PPP2R2B: variants seen among roughly 807,000 people sequenced by gnomAD.
The protein encoded by PPP2R2B is serine/threonine-protein phosphatase 2A 55 kDa regulatory subunit B beta isoform.
PPP2R2B carries 5 observed loss-of-function variants against 46.0 expected under a neutral mutation model. The ratio of observed to expected loss-of-function variants is 0.11; its 90% CI spans 0.06 to 0.23. The LOEUF (loss-of-function observed/expected upper bound fraction) is 0.23. PPP2R2B is among the 10% of genes least tolerant of loss of function. The pLI is 1.00. For synonymous variants in PPP2R2B, 215 were observed against 206.7 expected (o/e 1.04, Z -0.34); for missense variants, 367 against 575.0 (o/e 0.64, Z 3.70).
In PPP2R2B at chr5:146,924,508, A is replaced by AG. The variant is rs139790033; in HGVS notation, c.79+131156dup. 5.6e-3 allele frequency among the ~76,000 whole-genome samples: 848 copies of AG among 152,256 alleles called. 28 individuals are homozygous for AG. The East Asian group carries it at 0.066, about 12-fold the overall frequency. Reference sequence around the variant, plus strand: ...CAAGGATAAGAAAGGACAGGACAACAGGAGTCACCAAAGGGGGTTATCCAG... The same window carrying AG: ...CAAGGATAAGAAAGGACAGGACAACAGGGAGTCACCAAAGGGGGTTATCCAG... On this transcript the variant is annotated intron_variant, in intron 1 of 8. Coordinates refer to the PPP2R2B transcript ENST00000336640.
chr5:146,869,481 T>C (rs1761490751), intron 2 of PPP2R2B, among the ~76,000 whole-genome samples: 1 of 152,228 alleles, frequency 6.6e-6, no homozygotes, highest in Non-Finnish European at 1.5e-5. Flanking sequence ...GTAGGTGTTC[T>C]GATATGGAAA....
Position 146,650,707 on chromosome 5 carries a change from G to T in PPP2R2B, c.465C>A (p.Pro155=), listed in dbSNP as rs1174472483. The T allele has an allele frequency of 6.2e-7, 1 of 1,613,732 alleles. No individual in the cohort carries two copies. The highest frequency in any genetic ancestry group is 1.1e-5 in the South Asian group (1 of 91,030). ...GGGTGGCCTCCACCATCAGGTCCAT[G>T]GGTCTCAGGACAGGCACCTGGGATG... ...ITTLRVPVLR[P]MDLMVEATPR... is the part of the protein sequence containing the mutation. The change falls in exon 6 of 10, where the codon CCC becomes CCA. Residue 155 remains proline (P), a synonymous_variant. Transcript: ENST00000394411.
At chr5:146,602,877 G>A (rs1474712494) in intron 7 of PPP2R2B, among the ~76,000 whole-genome samples, 2 of 152,132 alleles carry the variant, frequency 1.3e-5, no homozygotes, top group Non-Finnish European at 2.9e-5. Context: ...ATTCTGATTG[G>A]TATCTTCATA....
chr5:147,059,911 AC>A (rs1464810847), upstream of PPP2R2B, among the ~76,000 whole-genome samples: 2 of 152,028 alleles, frequency 1.3e-5, no homozygotes, highest in Non-Finnish European at 2.9e-5. Flanking sequence ...TGCCTACCTC[AC>A]TGAAGCCCAC....
At chr5:146,903,111 A>C (rs1019193191) in intron 1 of PPP2R2B, among the ~76,000 whole-genome samples, 2 of 152,236 alleles carry the variant, frequency 1.3e-5, no homozygotes, top group African/African-American at 4.8e-5. Context: ...TATAAAAAAC[A>C]TAATGTAATG....
At chr5:146,659,397 G>T (rs971307006) in intron 5 of PPP2R2B, among the ~76,000 whole-genome samples, 1 of 152,114 alleles carries the variant, frequency 6.6e-6, no homozygotes, top group South Asian at 2.1e-4. Context: ...GGTATAAGAG[G>T]GTTTTTAGAG....
At chr5:146,803,278 G>A (rs1339530989) in intron 2 of PPP2R2B, among the ~76,000 whole-genome samples, 2 of 152,074 alleles carry the variant, frequency 1.3e-5, no homozygotes, top group African/African-American at 4.8e-5. Context: ...CCTGAAACCC[G>A]ACATTAGAAC....
intron 2 of PPP2R2B, among the ~76,000 whole-genome samples, chr5:146,812,806 TATATATATATATATATATATATAC>T (rs1313417921): frequency 3.4e-5 from 2 of 58,108 alleles, no homozygotes; most frequent in African/African-American, 1.4e-4. Flanking sequence ...TATATATATA[TATATATATATATATATATATATAC>T]ACACACATTT....
At chr5:147,010,073 A>T (rs1754643034) in intron 1 of PPP2R2B, among the ~76,000 whole-genome samples, 1 of 152,204 alleles carries the variant, frequency 6.6e-6, no homozygotes, top group Non-Finnish European at 1.5e-5. Context: ...TTACAAGGGC[A>T]TTCATTTATC....
intron 1 of PPP2R2B, among the ~76,000 whole-genome samples, chr5:147,006,829 G>A (rs966255973): frequency 1.3e-5 from 2 of 152,098 alleles, no homozygotes; most frequent in Admixed American, 6.6e-5. Context: ...CTTAGGGGAA[G>A]AGTGTTGTTT....
At chr5:146,784,221 C>T (rs1029170997) in intron 2 of PPP2R2B, among the ~76,000 whole-genome samples, 1 of 152,056 alleles carries the variant, frequency 6.6e-6, no homozygotes, top group African/African-American at 2.4e-5. Context: ...GAAGTTTTCT[C>T]AATAAACAGC....
At chr5:146,852,018 G>A (rs762903033) in intron 2 of PPP2R2B, among the ~76,000 whole-genome samples, 4 of 152,092 alleles carry the variant, frequency 2.6e-5, no homozygotes, top group African/African-American at 7.2e-5. Flanking sequence ...AAGAAATGGT[G>A]ATGCTTTGAG....
At position 146,724,763 on chromosome 5, in the gene PPP2R2B, C is replaced by T. The variant is rs542942544; in HGVS notation, c.71-23621G>A. Among the ~76,000 whole-genome samples, 545 of 152,200 alleles carry T rather than the reference C, an allele frequency of 3.6e-3. 2 individuals are homozygous for T. Among genetic ancestry groups the T allele is most frequent in the African/African-American group, 0.012 (514 of 41,526 alleles). On this transcript the variant is annotated intron_variant, in intron 2 of 9. Transcript: ENST00000394411. ...AAAAATTCTGAAACCATAATCATCTCAAAATGGTATACAAAAGCAAGTCTA... is the reference window on the plus strand; with the variant it reads ...AAAAATTCTGAAACCATAATCATCTTAAAATGGTATACAAAAGCAAGTCTA...
chr5:146,716,987 G>A (rs1199558629), intron 2 of PPP2R2B, among the ~76,000 whole-genome samples: 1 of 152,148 alleles, frequency 6.6e-6, no homozygotes, highest in African/African-American at 2.4e-5. Flanking sequence ...CTTATTCTGT[G>A]CATAGCAAAC....
At chr5:147,031,282 T>C (rs1340777184) in intron 1 of PPP2R2B, among the ~76,000 whole-genome samples, 1 of 151,996 alleles carries the variant, frequency 6.6e-6, no homozygotes, top group Non-Finnish European at 1.5e-5. Context: ...GTTATTTTAT[T>C]AGATAGAGCA....
At chr5:146,844,020 C>T (rs58467095) in intron 2 of PPP2R2B, among the ~76,000 whole-genome samples, 14,072 of 151,726 alleles carry the variant, frequency 0.093, 889 homozygotes, top group East Asian at 0.22. Context: ...CCTGAGGAAT[C>T]GCCACACTGA....
At chr5:146,744,018 A>G (rs1467952735) in intron 2 of PPP2R2B, among the ~76,000 whole-genome samples, 5 of 152,190 alleles carry the variant, frequency 3.3e-5, no homozygotes, top group Non-Finnish European at 2.9e-5. Context: ...CCAAGTGTAG[A>G]TTTATTCATA....
rs114769349 is a variant in PPP2R2B at position 146,981,203 on chromosome 5, G to C, written c.79+74462C>G. ...AATATTTGCTGAAGTAATGGATTCAGTTCTTCCCCTGCTTCATTCAGGGTT... is the reference window on the plus strand; with the variant it reads ...AATATTTGCTGAAGTAATGGATTCACTTCTTCCCCTGCTTCATTCAGGGTT... On this transcript the variant is annotated intron_variant, in intron 1 of 8. Transcript: ENST00000336640. Among the ~76,000 whole-genome samples, 1,110 of 152,198 alleles carry C rather than the reference G, an allele frequency of 7.3e-3. 11 individuals are homozygous for C. The highest frequency in any genetic ancestry group is 0.026 in the African/African-American group (1,063 of 41,538).
At chr5:147,017,972 G>C (rs902794778) in intron 1 of PPP2R2B, among the ~76,000 whole-genome samples, 6 of 151,712 alleles carry the variant, frequency 4.0e-5, no homozygotes, top group Admixed American at 3.3e-4. Context: ...ACAGGACCAT[G>C]TAGTTTTGCA....
Sources: allele counts gnomAD v4.1 joint callset (sites outside exome capture counted in the v4.1 genomes callset), GRCh38; gene constraint gnomAD v4.1.1; transcripts MANE v1.5; gene names NCBI Gene and HGNC (gene_info 2026-07-23, HGNC 2026-07-21).